The following SCARF2 variants were observed in gnomAD, a reference collection of about 807,000 sequenced individuals.
SCARF2 encodes scavenger receptor expressed by endothelial cells 2 protein.
SCARF2 carries 39 observed loss-of-function variants against 73.4 expected under a neutral mutation model. The observed-to-expected ratio is 0.53, with a 90% confidence interval of 0.41 to 0.69. The LOEUF is 0.69. Among genes scored for constraint, SCARF2 ranks in the 30% least tolerant of loss-of-function variants. SCARF2 has a pLI of 0.00. For missense variants in SCARF2, 1,148 were observed against 1,303.5 expected, an observed-to-expected ratio of 0.88 and a Z score of 1.84; for synonymous variants, 605 against 590.0, an observed-to-expected ratio of 1.03 and a Z score of -0.37.
At position 20,427,496 on chromosome 22, in the gene SCARF2, G is replaced by A. The variant is rs747268559; in HGVS notation, c.1595C>T (p.Ser532Leu). The change falls in exon 10 of 11, where the codon TCA (serine) becomes TTA (leucine). Residue 532 changes from serine (S) to leucine (L), a missense_variant. Coordinates refer to ENST00000622235, the MANE Select transcript of SCARF2 (RefSeq NM_182895.5). ...GGATGGTGAGGGCTGCTCCAGCCCT[G>A]AGGGTGGCTCCAGGAAGCTGCAGTT... is the stretch of plus-strand genomic sequence containing the variant. The part of the protein sequence containing the change: ...TLNCSFLEPP[S>L]GLEQPSPSWS... 2.3e-5 allele frequency: 37 copies of A among 1,613,936 alleles called. No individual in the cohort carries two copies. The Admixed American group carries it at 3.8e-4, about 17-fold the overall frequency.
intron 1 of SCARF2, among the ~76,000 whole-genome samples, chr22:20,436,752 G>T (rs1346856459): frequency 6.6e-6 from 1 of 152,148 alleles, no homozygotes; most frequent in Non-Finnish European, 1.5e-5. Flanking sequence ...AGATGCCCTT[G>T]ACCTTGTGGC....
chr22:20,436,435 C>CGG (rs2052699743), intron 1 of SCARF2, among the ~76,000 whole-genome samples: 1 of 151,822 alleles, frequency 6.6e-6, no homozygotes, highest in Non-Finnish European at 1.5e-5. Flanking sequence ...GCCCGGGAGT[C>CGG]CGCGGCGGCG....
chr22:20,433,095 A>G (rs1241322517), intron 1 of SCARF2, among the ~76,000 whole-genome samples: 1 of 152,196 alleles, frequency 6.6e-6, no homozygotes, highest in Non-Finnish European at 1.5e-5. Context: ...GCACTTCAGG[A>G]GAGCACAACC....
Position 20,425,355 on chromosome 22 carries a change from C to A in SCARF2, c.*20G>T, listed in dbSNP as rs763870357. On this transcript the variant is annotated 3_prime_UTR_variant, in exon 11 of 11. Coordinates refer to ENST00000622235, the MANE Select transcript of SCARF2 (RefSeq NM_182895.5). This position sits in a 1 kb window ranked among gnomAD's most constrained non-coding sequence, Gnocchi z 4.6. ...GCGCTGCGAAGCTGAGGGAGCTGCG[C>A]GCGGACGAGCCACAGCCTGCTACAG... 33 of 1,377,480 alleles carry A rather than the reference C, an allele frequency of 2.4e-5. No homozygotes were observed. The highest frequency in any genetic ancestry group is 2.5e-5 in the Non-Finnish European group (27 of 1,059,662). 85.3% of individuals were successfully genotyped at this position (1,377,480 alleles called of 1,614,324 possible).
intron 6 of SCARF2, 31 bp downstream of exon 6, chr22:20,430,398 C>A: frequency 6.3e-7 from 1 of 1,578,452 alleles, no homozygotes; most frequent in South Asian, 1.2e-5. Flanking sequence ...GGTACAAGCC[C>A]CCAACCCCCT....
intron 10 of SCARF2, among the ~76,000 whole-genome samples, chr22:20,426,787 C>G (rs980888621): frequency 6.6e-6 from 1 of 152,194 alleles, no homozygotes; most frequent in South Asian, 2.1e-4. Context: ...ATTAGCTGGG[C>G]GTGGTCGTGG....
chr22:20,436,089 T>C (rs889318481), intron 1 of SCARF2, among the ~76,000 whole-genome samples: 15 of 152,218 alleles, frequency 9.9e-5, no homozygotes, highest in Admixed American at 7.2e-4. Context: ...TTGTGATCAC[T>C]ATCCCATTTT....
chr22:20,430,482 GT>G lies in SCARF2; in HGVS notation c.1148del (p.His383ProfsTer22), dbSNP rs2052630507. The G allele has an allele frequency of 6.3e-7, 1 of 1,597,810 alleles. No homozygotes were observed. Among genetic ancestry groups the G allele is most frequent in the Non-Finnish European group, 8.5e-7 (1 of 1,173,270 alleles). ...AFVCADCGSG[H>X]CDFQSGRCLC... ...GGCAGCGCCCCGACTGGAAGTCGCA[GT>G]GTCCGCTGCCGCAGTCGGCGCACAC... On this transcript the variant is annotated frameshift_variant, in exon 6 of 11. Coordinates refer to ENST00000622235, the MANE Select transcript of SCARF2 (RefSeq NM_182895.5). LOFTEE classifies it high-confidence loss of function.
At position 20,426,059 on chromosome 22, in the gene SCARF2, C is replaced by T. The variant is rs1284209624; in HGVS notation, c.1917G>A (p.Glu639=). The change falls in exon 11 of 11, where the codon GAG becomes GAA. Residue 639 remains glutamate (E), a synonymous_variant. Coordinates refer to ENST00000622235, the MANE Select transcript of SCARF2 (RefSeq NM_182895.5). ...ATGGCGACAGCGACAGGCCCCCAAT[C>T]TCGCCCCGGGCCCGGGCCGGCCGGG... is the stretch of plus-strand genomic sequence containing the variant. The part of the protein sequence containing the change: ...REARPARARG[E]IGGLSLSPSP... 1.3e-6 allele frequency: 2 copies of T among 1,567,826 alleles called. No homozygotes were observed. The highest frequency in any genetic ancestry group is 1.7e-6 in the Non-Finnish European group (2 of 1,166,344).
chr22:20,426,654 G>A (rs1029666701), intron 10 of SCARF2, among the ~76,000 whole-genome samples: 2 of 152,250 alleles, frequency 1.3e-5, no homozygotes, highest in Admixed American at 1.3e-4. Flanking sequence ...AAGGCTTCTA[G>A]CTGGGCGTGG....
In SCARF2 at chr22:20,430,502, C is replaced by G. The variant is rs761517776; in HGVS notation, c.1129G>C (p.Ala377Pro). Residue 377 changes from alanine to proline, a missense_variant, in exon 6 of 11, where the codon GCC becomes CCC. Ala to Pro is a conservative substitution (Grantham distance 27, BLOSUM62 -1). Coordinates refer to ENST00000622235, the MANE Select transcript of SCARF2 (RefSeq NM_182895.5). ...TYGEDCAFVCADCGSGHCDFQ... is the reference protein window; with the variant it reads ...TYGEDCAFVCPDCGSGHCDFQ... ...TCGCAGTGTCCGCTGCCGCAGTCGG[C>G]GCACACGAAGGCGCAGTCCTCGCCG... The G allele has an allele frequency of 3.7e-6, 6 of 1,603,934 alleles. No homozygotes were observed. In the East Asian group the frequency reaches 1.4e-4, roughly 36 times the overall value.
rs1315732425 is a variant in SCARF2 at position 20,431,219 on chromosome 22, T to G, written c.653A>C (p.Asn218Thr). ...GRSCNNQCACNSSPCEQQSGR... is the reference protein window; with the variant it reads ...GRSCNNQCACTSSPCEQQSGR... ...GCTCTGCTGCTCGCAGGGAGACGAG[T>G]TGCAGGCGCACTGGTTGTTGCAGCT... The change falls in exon 4 of 11, where the codon AAC becomes ACC. Residue 218 changes from asparagine to threonine, a missense_variant. Asn to Thr is a moderately conservative substitution (Grantham distance 65). Coordinates refer to ENST00000622235, the MANE Select transcript of SCARF2 (RefSeq NM_182895.5). 6.4e-7 allele frequency: 1 copy of G among 1,560,602 alleles called. No homozygotes were observed. The highest frequency in any genetic ancestry group is 8.6e-7 in the Non-Finnish European group (1 of 1,161,784).
At chr22:20,436,550 C>G (rs1340488582) in intron 1 of SCARF2, among the ~76,000 whole-genome samples, 2 of 152,020 alleles carry the variant, frequency 1.3e-5, no homozygotes, top group African/African-American at 2.4e-5. Flanking sequence ...TCGGAAACCC[C>G]GCGCTGCCCC....
intron 10 of SCARF2, among the ~76,000 whole-genome samples, chr22:20,426,638 A>G (rs2052581505): frequency 6.6e-6 from 1 of 152,252 alleles, no homozygotes; most frequent in Non-Finnish European, 1.5e-5. Flanking sequence ...TCCTTCTTTA[A>G]GAGAGAAGGC....
intron 1 of SCARF2, among the ~76,000 whole-genome samples, chr22:20,433,563 T>C (rs1155419): frequency 0.45 from 68,709 of 152,024 alleles, 15,681 homozygotes; most frequent in East Asian, 0.53. Flanking sequence ...CCACCCCTTG[T>C]ACAGAGCACC....
Position 20,431,340 on chromosome 22 carries a change from C to T in SCARF2, c.532G>A (p.Gly178Ser). 6.6e-7 allele frequency: 1 copy of T among 1,507,294 alleles called. No homozygotes were observed. Among genetic ancestry groups the T allele is most frequent in the Middle Eastern group, 1.9e-4 (1 of 5,374 alleles). The allele number at this position is 1,507,294 out of a possible 1,614,324, so 93.4% of individuals were successfully genotyped here. A position where few individuals can be genotyped will look rare whatever the true frequency, so the allele number is the denominator to read the frequency against. ...GACRCEPGWWGAQCASACYCS... is the reference protein window; with the variant it reads ...GACRCEPGWWSAQCASACYCS... ...TAGCACGCGCTGGCGCACTGCGCGC[C>T]CCACCAGCCGGGCTCACAGCGGCAC... The change falls in exon 4 of 11, where the codon GGC becomes AGC. Residue 178 changes from glycine to serine, a missense_variant. By Grantham distance (56) the Gly-to-Ser change is moderately conservative (BLOSUM62 0). Transcript: ENST00000622235.
In SCARF2 at chr22:20,425,364, G is replaced by C; in HGVS notation, c.*11C>G. The C allele has an allele frequency of 7.1e-7, 1 of 1,406,418 alleles. No homozygotes were observed. The highest frequency in any genetic ancestry group is 2.9e-5 in the East Asian group (1 of 33,972). 87.1% of individuals were successfully genotyped at this position (1,406,418 alleles called of 1,614,324 possible). The stretch of plus-strand genomic sequence containing the variant: ...AGCTGAGGGAGCTGCGCGCGGACGA[G>C]CCACAGCCTGCTACAGGGTGGGTGC... On this transcript the variant is annotated 3_prime_UTR_variant, in exon 11 of 11. Transcript: ENST00000622235. The surrounding 1 kb of genome is among the most constrained non-coding windows in gnomAD (Gnocchi z 4.6).
intron 1 of SCARF2, among the ~76,000 whole-genome samples, chr22:20,433,766 C>T (rs534116893): frequency 8.9e-4 from 136 of 152,376 alleles, no homozygotes; most frequent in African/African-American, 2.7e-3. Context: ...CTGTCTCCAC[C>T]CACCCAGCCC....
chr22:20,429,270 G>A lies in SCARF2; in HGVS notation c.1495C>T (p.Leu499=), dbSNP rs751866354. Reference sequence around the variant, plus strand: ...TGCCTCCGGAGCGGGATCCGGGGCAGCTTCATGCTGATGCGACTGAAGCGC... The same window carrying A: ...TGCCTCCGGAGCGGGATCCGGGGCAACTTCATGCTGATGCGACTGAAGCGC... ...CGRFSRISMK[L]PRIPLRRQKL... The change falls in exon 9 of 11, where the codon CTG becomes TTG. Residue 499 remains leucine, a synonymous_variant. Transcript: ENST00000622235. The surrounding 1 kb of genome is among the most constrained non-coding windows in gnomAD (Gnocchi z 5.2). 6.2e-7 allele frequency: 1 copy of A among 1,613,812 alleles called. No individual in the cohort carries two copies. Among genetic ancestry groups the A allele is most frequent in the South Asian group, 1.1e-5 (1 of 91,080 alleles).
Sources: allele counts gnomAD v4.1 joint callset (sites outside exome capture counted in the v4.1 genomes callset), GRCh38; gene constraint gnomAD v4.1.1; non-coding constraint Gnocchi (gnomAD v3.1); transcripts MANE v1.5; gene names NCBI Gene and HGNC (gene_info 2026-07-23, HGNC 2026-07-21).